The following LRRC7 variants were observed in gnomAD, a reference collection of about 807,000 sequenced individuals.
LRRC7 encodes leucine rich repeat containing 7.
LRRC7 carries 23 observed loss-of-function variants against 175.7 expected under a neutral mutation model. That is an observed-to-expected ratio of 0.13 (90% CI 0.09 to 0.19). The LOEUF (loss-of-function observed/expected upper bound fraction) is 0.19. LRRC7 is among the 10% of genes least tolerant of loss of function. The pLI is 1.00. For synonymous variants in LRRC7, 685 were observed against 680.9 expected (o/e 1.01, Z -0.09); for missense variants, 1,354 against 1,904.7 (o/e 0.71, Z 5.38).
chr1:69,832,127 T>C (rs1480050720), intron 5 of LRRC7, among the ~76,000 whole-genome samples: 3 of 152,160 alleles, frequency 2.0e-5, no homozygotes, highest in Non-Finnish European at 4.4e-5. Flanking sequence ...GAAATACTTG[T>C]TGAGAGTGTT....
chr1:69,781,882 AAAGG>A (rs1172589755), intron 3 of LRRC7, among the ~76,000 whole-genome samples: 7 of 144,388 alleles, frequency 4.8e-5, no homozygotes, highest in Non-Finnish European at 9.2e-5. Context: ...GGAAGAAAGA[AAAGG>A]AAGGAAGGAA....
chr1:69,734,214 G>A (rs899898388), intron 2 of LRRC7, among the ~76,000 whole-genome samples: 2 of 151,646 alleles, frequency 1.3e-5, no homozygotes, highest in African/African-American at 4.8e-5. Context: ...AAAATTTAAA[G>A]CATCCATATG....
intron 2 of LRRC7, among the ~76,000 whole-genome samples, chr1:69,727,288 C>T (rs954744328): frequency 1.2e-4 from 18 of 152,136 alleles, no homozygotes; most frequent in African/African-American, 4.1e-4. Flanking sequence ...ATGGTCAGCA[C>T]CTCACAGCTT....
intron 23 of LRRC7, among the ~76,000 whole-genome samples, chr1:70,055,273 A>T (rs1661060146): frequency 6.6e-6 from 1 of 152,194 alleles, no homozygotes; most frequent in Non-Finnish European, 1.5e-5. Flanking sequence ...AAGCCGGATC[A>T]TGCTGGGATT....
chr1:69,775,141 T>G (rs1406539584), intron 3 of LRRC7, among the ~76,000 whole-genome samples: 1 of 152,220 alleles, frequency 6.6e-6, no homozygotes, highest in East Asian at 1.9e-4. Flanking sequence ...GATTTATCAA[T>G]GCGTCTTATA....
intron 7 of LRRC7, among the ~76,000 whole-genome samples, chr1:69,908,513 G>T (rs1002753015): frequency 3.3e-5 from 5 of 152,094 alleles, no homozygotes; most frequent in Non-Finnish European, 7.3e-5. Flanking sequence ...CCTTCATTTT[G>T]TTATGTATCC....
At position 69,825,941 on chromosome 1, in the gene LRRC7, T is replaced by A. The variant is rs759712254; in HGVS notation, c.500+115T>A. 3.1e-5 allele frequency: 17 copies of A among 540,834 alleles called. No individual in the cohort carries two copies. In the South Asian group the frequency reaches 7.3e-4, roughly 23 times the overall value. 33.5% of individuals were successfully genotyped at this position (540,834 alleles called of 1,614,324 possible). ...ATTTAAATGTAGCATTGACATAGCA[T>A]TTAATAGAATGATGGGAAAAATTAA... is the stretch of plus-strand genomic sequence containing the variant. On this transcript the variant is annotated intron_variant, in intron 5 of 26. Coordinates refer to ENST00000651989, the MANE Select transcript of LRRC7 (RefSeq NM_001370785.2).
chr1:69,894,484 C>A (rs1324165734), intron 7 of LRRC7, among the ~76,000 whole-genome samples: 1 of 152,162 alleles, frequency 6.6e-6, no homozygotes, highest in East Asian at 1.9e-4. Context: ...ATATCCTAGC[C>A]TCCTTTTTGT....
chr1:69,794,994 T>C (rs552710779), intron 4 of LRRC7, among the ~76,000 whole-genome samples: 4 of 152,216 alleles, frequency 2.6e-5, no homozygotes, highest in East Asian at 1.9e-4. Context: ...TATAGTACTA[T>C]AGGCTTGATG....
At chr1:70,099,419 G>A (rs55963521) in intron 25 of LRRC7, among the ~76,000 whole-genome samples, 10,779 of 142,600 alleles carry the variant, frequency 0.076, 494 homozygotes, top group South Asian at 0.17. Context: ...CACAAGACAG[G>A]GATGCCCTCT....
At chr1:69,807,454 T>C (rs921186052) in intron 4 of LRRC7, among the ~76,000 whole-genome samples, 13 of 152,134 alleles carry the variant, frequency 8.5e-5, no homozygotes, top group Non-Finnish European at 1.3e-4. Context: ...CTTTCCATGT[T>C]TAGTGCTTCC....
At chr1:70,109,723 T>G (rs1665392627) in intron 26 of LRRC7, among the ~76,000 whole-genome samples, 1 of 152,216 alleles carries the variant, frequency 6.6e-6, no homozygotes, top group African/African-American at 2.4e-5. Flanking sequence ...TTCAACTCTT[T>G]GAAAATTGTA....
intron 8 of LRRC7, among the ~76,000 whole-genome samples, chr1:69,979,941 A>T (rs1053448005): frequency 6.6e-6 from 1 of 151,980 alleles, no homozygotes; most frequent in African/African-American, 2.4e-5. Context: ...TTTGTGTGCA[A>T]GGCGCTAATA....
At chr1:69,609,244 TCCAGTTA>T (rs1273629140) in intron 1 of LRRC7, among the ~76,000 whole-genome samples, 1 of 151,970 alleles carries the variant, frequency 6.6e-6, no homozygotes, top group Non-Finnish European at 1.5e-5. Flanking sequence ...TATGATATAC[TCCAGTTA>T]TTTAAATCTG....
chr1:69,685,522 AAAG>A (rs558024754), intron 2 of LRRC7, among the ~76,000 whole-genome samples: 16 of 152,278 alleles, frequency 1.1e-4, no homozygotes, highest in South Asian at 2.1e-4. Context: ...AGGGGAAAAA[AAAG>A]AAGTTATAAA....
intron 9 of LRRC7, among the ~76,000 whole-genome samples, chr1:69,985,951 T>C: frequency 6.6e-6 from 1 of 152,214 alleles, no homozygotes; most frequent in South Asian, 2.1e-4. Context: ...TTTGTGTAAG[T>C]TTTTGTGTGT....
chr1:70,061,878 TC>T (rs1276862219), intron 23 of LRRC7, among the ~76,000 whole-genome samples: 5 of 152,170 alleles, frequency 3.3e-5, no homozygotes, highest in Non-Finnish European at 7.3e-5. Context: ...CTCTTTAATT[TC>T]ACCTCTGGTT....
chr1:69,696,335 C>A (rs939756268), intron 2 of LRRC7, among the ~76,000 whole-genome samples: 7 of 152,168 alleles, frequency 4.6e-5, no homozygotes, highest in Non-Finnish European at 2.9e-5. Context: ...TGGCTGATTT[C>A]TCCCTTTTGG....
chr1:69,772,109 G>C lies in LRRC7; in HGVS notation c.303+11716G>C, dbSNP rs578102724. On this transcript the variant is annotated intron_variant, in intron 3 of 26. Transcript: ENST00000651989. The stretch of plus-strand genomic sequence containing the variant: ...GCATTCCAGCCTGGGCAACAAGAGT[G>C]AAACTCCGCCTCTAAATAAATAAAT... Among the ~76,000 whole-genome samples, 15 of 152,032 alleles carry C rather than the reference G, an allele frequency of 9.9e-5. No homozygotes were observed. In the South Asian group the frequency reaches 2.9e-3, roughly 29 times the overall value.
Sources: gnomAD v4.1 joint callset for allele counts (sites outside exome capture counted in the v4.1 genomes callset) on GRCh38, gnomAD v4.1.1 for gene constraint, MANE v1.5 for transcripts, NCBI Gene and HGNC (gene_info 2026-07-23, HGNC 2026-07-21) for gene names.